Variants in MCCC1 observed in about 807,000 individuals in gnomAD.
The protein encoded by MCCC1 is methylcrotonyl-CoA carboxylase subunit 1, also known as methylcrotonoyl-CoA carboxylase subunit alpha, mitochondrial.
A neutral mutation model predicts 83.8 loss-of-function variants in MCCC1; 64 were observed. That is an observed-to-expected ratio of 0.76 (90% CI 0.62 to 0.94). The LOEUF (loss-of-function observed/expected upper bound fraction) is 0.94. MCCC1 is among the 40% of genes least tolerant of loss of function. The pLI is 0.00. For synonymous variants in MCCC1, 322 were observed against 315.4 expected (o/e 1.02, Z -0.22); for missense variants, 807 against 904.7 (o/e 0.89, Z 1.39).
chr3:183,102,474 AAATC>A (rs1357582003), upstream of MCCC1, among the ~76,000 whole-genome samples: 3 of 152,192 alleles, frequency 2.0e-5, no homozygotes, highest in African/African-American at 7.2e-5. Flanking sequence ...CACTATTAAG[AAATC>A]AATTAATAAA....
At chr3:183,094,471 T>C (rs1169644626) in intron 2 of MCCC1, 88 bp downstream of exon 2, 13 of 1,218,034 alleles carry the variant, frequency 1.1e-5, no homozygotes, top group East Asian at 4.8e-5. Flanking sequence ...AATTCTATTA[T>C]GCATATATTA....
At chr3:183,087,411 T>C (rs1717971023) in intron 3 of MCCC1, among the ~76,000 whole-genome samples, 1 of 152,192 alleles carries the variant, frequency 6.6e-6, no homozygotes. Flanking sequence ...CAAATGTCCC[T>C]GTCTAGGGGG....
intron 1 of MCCC1, among the ~76,000 whole-genome samples, chr3:183,096,660 G>A (rs1192576612): frequency 1.3e-5 from 2 of 152,204 alleles, no homozygotes; most frequent in African/African-American, 2.4e-5. Context: ...CTCAGATGCT[G>A]CCATCCATGA....
Position 183,041,606 on chromosome 3 carries a change from C to T in MCCC1, c.1228G>A (p.Ala410Thr), listed in dbSNP as rs1203944718. Residue 410 changes from alanine (A) to threonine (T), a missense_variant, in exon 11 of 19, where the codon GCA (alanine) becomes ACA (threonine). Transcript: ENST00000265594. The stretch of plus-strand genomic sequence containing the variant: ...GTTTCAATCCTGGTGGAAGGGTCTG[C>T]TCGAGGAGTAGAGAGGTGCACTAAT... ...GPLVHLSTPR[A>T]DPSTRIETGV... is the part of the protein sequence containing the mutation. 1.2e-6 allele frequency: 2 copies of T among 1,614,076 alleles called. No homozygotes were observed. Among genetic ancestry groups the T allele is most frequent in the Admixed American group, 1.7e-5 (1 of 60,018 alleles).
At position 183,045,463 on chromosome 3, in the gene MCCC1, G is replaced by C; in HGVS notation, c.1033C>G (p.Pro345Ala). 6.2e-7 allele frequency: 1 copy of C among 1,614,104 alleles called. No individual in the cohort carries two copies. The highest frequency in any genetic ancestry group is 8.5e-7 in the Non-Finnish European group (1 of 1,179,990). ...GTTCCTGTGATCATCTCAGTAACAG[G>C]ATGTTCCACTTGCAGCCTTGTATTC... Reference protein sequence around the residue: ...EMNTRLQVEHPVTEMITGTDL... With the variant: ...EMNTRLQVEHAVTEMITGTDL... Residue 345 changes from proline (P) to alanine (A), a missense_variant, in exon 10 of 19, where the codon CCT (proline) becomes GCT (alanine). Physicochemically the swap from Pro to Ala is conservative, Grantham distance 27. Transcript: ENST00000265594.
chr3:183,017,177 TG>T, intron 18 of MCCC1, 88 bp downstream of exon 18: 2 of 1,091,178 alleles, frequency 1.8e-6, no homozygotes, highest in South Asian at 1.2e-5. Context: ...ATATTTAAGG[TG>T]GTATTAACTT....
intron 14 of MCCC1, among the ~76,000 whole-genome samples, chr3:183,031,838 T>C (rs1359507389): frequency 6.6e-6 from 1 of 151,722 alleles, no homozygotes; most frequent in Non-Finnish European, 1.5e-5. Context: ...TTTAAAAATT[T>C]TTATTTTATA....
intron 9 of MCCC1, among the ~76,000 whole-genome samples, chr3:183,048,854 C>T (rs990430111): frequency 2.6e-5 from 4 of 152,170 alleles, no homozygotes; most frequent in Non-Finnish European, 4.4e-5. Flanking sequence ...GGACCATAAA[C>T]CACATCTTAA....
chr3:183,102,966 T>C (rs769963739), upstream of MCCC1, among the ~76,000 whole-genome samples: 1 of 151,406 alleles, frequency 6.6e-6, no homozygotes, highest in African/African-American at 2.4e-5. Context: ...TTTTGTATTT[T>C]TAGTAGAGAC....
intron 1 of MCCC1, among the ~76,000 whole-genome samples, chr3:183,098,128 A>C (rs1213704415): frequency 1.3e-5 from 2 of 152,108 alleles, no homozygotes; most frequent in East Asian, 3.9e-4. Flanking sequence ...ACGGGGTTTC[A>C]CCGTGTTATC....
chr3:183,037,581 G>A lies in MCCC1; in HGVS notation c.1378-147C>T. On this transcript the variant is annotated intron_variant, in intron 12 of 18. Coordinates refer to ENST00000265594, the MANE Select transcript of MCCC1 (RefSeq NM_020166.5). ...CTACTAAGGTACCATGTGGCAACAGGACAATTCTCAGGAAAAAAAACACAA... is the reference window on the plus strand; with the variant it reads ...CTACTAAGGTACCATGTGGCAACAGAACAATTCTCAGGAAAAAAAACACAA... 4 of 726,788 alleles carry A rather than the reference G, an allele frequency of 5.5e-6. No individual in the cohort carries two copies. The Admixed American group carries it at 7.3e-5, about 13-fold the overall frequency. The allele number at this position is 726,788 out of a possible 1,614,324, so 45.0% of individuals were successfully genotyped here. A position where few individuals can be genotyped will look rare whatever the true frequency, so the allele number is the denominator to read the frequency against.
upstream of MCCC1, among the ~76,000 whole-genome samples, chr3:183,100,742 T>G (rs973388340): frequency 6.6e-6 from 1 of 152,250 alleles, no homozygotes; most frequent in Non-Finnish European, 1.5e-5. Context: ...CTGGCAGTCC[T>G]CAGAACCCTC....
In MCCC1 at chr3:183,047,495, G is replaced by C. The variant is rs142416691; in HGVS notation, c.956-1955C>G. Among the ~76,000 whole-genome samples, 374 of 152,310 alleles carry C rather than the reference G, an allele frequency of 2.5e-3. 5 individuals carry two copies. The highest frequency in any genetic ancestry group is 8.5e-3 in the African/African-American group (353 of 41,564). ...AACACAGTTTGAAGAGACTGAAGAA[G>C]CATCAGGTATGGCAGGAATGTTAGA... On this transcript the variant is annotated intron_variant, in intron 9 of 18. Transcript: ENST00000265594.
intron 3 of MCCC1, among the ~76,000 whole-genome samples, chr3:183,087,904 T>G (rs1577354662): frequency 6.7e-6 from 1 of 149,918 alleles, no homozygotes; most frequent in East Asian, 2.0e-4. Flanking sequence ...GATCAAGACT[T>G]TGCCTGGCAA....
At chr3:183,080,098 T>C (rs1344182140) in intron 4 of MCCC1, among the ~76,000 whole-genome samples, 1 of 152,200 alleles carries the variant, frequency 6.6e-6, no homozygotes, top group Non-Finnish European at 1.5e-5. Context: ...ACCTCTGACA[T>C]GCCCTGGAGA....
At chr3:183,030,231 C>A (rs1057506133) in intron 14 of MCCC1, among the ~76,000 whole-genome samples, 32 of 152,148 alleles carry the variant, frequency 2.1e-4, no homozygotes, top group Non-Finnish European at 3.2e-4. Flanking sequence ...TCGCTTGAAC[C>A]CGGGAGGCAG....
chr3:183,026,975 A>G (rs1365281096), intron 14 of MCCC1, among the ~76,000 whole-genome samples: 1 of 152,216 alleles, frequency 6.6e-6, no homozygotes, highest in African/African-American at 2.4e-5. Flanking sequence ...TTTTTTACCT[A>G]TTGAGTTTGT....
At chr3:183,079,444 AATG>A (rs1008398477) in intron 4 of MCCC1, among the ~76,000 whole-genome samples, 2 of 152,134 alleles carry the variant, frequency 1.3e-5, no homozygotes, top group Non-Finnish European at 2.9e-5. Flanking sequence ...AAAGCTCCAA[AATG>A]ATCTCCTTTG....
intron 7 of MCCC1, among the ~76,000 whole-genome samples, chr3:183,062,212 C>G (rs1715888479): frequency 6.6e-6 from 1 of 152,174 alleles, no homozygotes; most frequent in African/African-American, 2.4e-5. Context: ...CTAACACATA[C>G]CACTTCTGAC....
Sources: gnomAD v4.1 joint callset for allele counts (sites outside exome capture counted in the v4.1 genomes callset) on GRCh38, gnomAD v4.1.1 for gene constraint, MANE v1.5 for transcripts, NCBI Gene and HGNC (gene_info 2026-07-23, HGNC 2026-07-21) for gene names.